CTDSPL2: variants seen among roughly 807,000 people sequenced by gnomAD.
CTDSPL2 encodes the protein CTD small phosphatase like 2, also known as CTD small phosphatase-like protein 2.
A neutral mutation model predicts 60.0 loss-of-function variants in CTDSPL2; 5 were observed. The observed-to-expected ratio is 0.08, with a 90% CI of 0.04 to 0.18. The LOEUF is 0.18. CTDSPL2 is among the 10% of genes least tolerant of loss of function. The pLI is 1.00. For missense variants in CTDSPL2, 370 were observed against 548.8 expected, an observed-to-expected ratio of 0.67 and a Z score of 3.26; for synonymous variants, 186 against 189.3, an observed-to-expected ratio of 0.98 and a Z score of 0.14.
At chr15:44,486,806 G>T in intron 4 of CTDSPL2, 106 bp downstream of exon 4, 2 of 830,628 alleles carry the variant, frequency 2.4e-6, no homozygotes, top group Non-Finnish European at 3.6e-6. Flanking sequence ...TTGTTGCCCA[G>T]GCTGGAGTGC....
chr15:44,448,798 C>T (rs2080273161), intron 1 of CTDSPL2: 1 of 351,766 alleles, frequency 2.8e-6, no homozygotes, highest in East Asian at 9.5e-5. Context: ...AAGCTGCGGA[C>T]GCTTAGGAGG....
intron 1 of CTDSPL2, among the ~76,000 whole-genome samples, chr15:44,439,540 T>G (rs1271497357): frequency 6.8e-6 from 1 of 147,420 alleles, no homozygotes; most frequent in Non-Finnish European, 1.5e-5. Context: ...TTTATGTTTT[T>G]TTTGGGGGGG....
chr15:44,446,934 T>C (rs2080229857), intron 1 of CTDSPL2, among the ~76,000 whole-genome samples: 1 of 151,776 alleles, frequency 6.6e-6, no homozygotes, highest in Non-Finnish European at 1.5e-5. Flanking sequence ...TTTGTATTTT[T>C]AGTAGAGACA....
intron 2 of CTDSPL2, among the ~76,000 whole-genome samples, chr15:44,481,868 C>T (rs925339298): frequency 2.6e-5 from 4 of 152,144 alleles, no homozygotes; most frequent in Non-Finnish European, 5.9e-5. Context: ...CCACAGCGCC[C>T]GGCCTATTTT....
At chr15:44,471,130 A>T (rs181653220) in intron 2 of CTDSPL2, among the ~76,000 whole-genome samples, 1 of 152,232 alleles carries the variant, frequency 6.6e-6, no homozygotes, top group East Asian at 1.9e-4. Flanking sequence ...TCACACACAC[A>T]ACATACATTT....
chr15:44,435,256 CA>C (rs35787192), intron 1 of CTDSPL2, among the ~76,000 whole-genome samples: 1,936 of 46,086 alleles, frequency 0.042, 25 homozygotes, highest in African/African-American at 0.1. Context: ...GACTCCGTCT[CA>C]AAAAAAAAAA....
chr15:44,490,472 T>C (rs911778667), intron 4 of CTDSPL2, among the ~76,000 whole-genome samples: 1 of 152,164 alleles, frequency 6.6e-6, no homozygotes, highest in African/African-American at 2.4e-5. Flanking sequence ...AGAAATTATT[T>C]TTATATCTTT....
intron 11 of CTDSPL2, chr15:44,520,194 G>A (rs1447744812): frequency 1.3e-5 from 2 of 150,146 alleles, no homozygotes; most frequent in Non-Finnish European, 3.0e-5. Flanking sequence ...CGTCGCCCAG[G>A]CTGGAGTGCA....
chr15:44,428,599 C>T (rs1418174170), intron 1 of CTDSPL2, among the ~76,000 whole-genome samples: 5 of 152,198 alleles, frequency 3.3e-5, no homozygotes, highest in Non-Finnish European at 5.9e-5. Context: ...GTAAACTTAC[C>T]TGAGATCCTG....
chr15:44,465,499 C>G (rs1257713758), intron 2 of CTDSPL2, among the ~76,000 whole-genome samples: 1 of 151,982 alleles, frequency 6.6e-6, no homozygotes, highest in Non-Finnish European at 1.5e-5. Flanking sequence ...TCATGTGAAA[C>G]AAAAATCACC....
intron 2 of CTDSPL2, among the ~76,000 whole-genome samples, chr15:44,480,812 G>A (rs187520900): frequency 3.3e-5 from 5 of 151,798 alleles, no homozygotes; most frequent in African/African-American, 1.2e-4. Flanking sequence ...CAGTATGGGC[G>A]ACAGAGACCC....
chr15:44,502,438 A>G (rs372489606), intron 8 of CTDSPL2, among the ~76,000 whole-genome samples: 2 of 152,172 alleles, frequency 1.3e-5, no homozygotes, highest in Non-Finnish European at 1.5e-5. Flanking sequence ...ATTGTATTAT[A>G]TATGTTTTAA....
In CTDSPL2 at chr15:44,525,133, A is replaced by T. The variant is rs1311490390; in HGVS notation, c.*959A>T. On this transcript the variant is annotated 3_prime_UTR_variant, in exon 13 of 13. Coordinates refer to ENST00000260327, the MANE Select transcript of CTDSPL2 (RefSeq NM_016396.3). ...GTTACTGCTGCCTTTGGTTTTCTCC[A>T]GGAATGAAGTATTCAGCACAGTGAC... 3.1e-6 allele frequency: 1 copy of T among 320,136 alleles called. No homozygotes were observed. Among genetic ancestry groups the T allele is most frequent in the African/African-American group, 2.1e-5 (1 of 47,014 alleles). 19.8% of individuals were successfully genotyped at this position (320,136 alleles called of 1,614,324 possible). A position where few individuals can be genotyped will look rare whatever the true frequency, so the allele number is the denominator to read the frequency against.
intron 2 of CTDSPL2, among the ~76,000 whole-genome samples, chr15:44,467,760 A>T (rs1244617392): frequency 6.6e-6 from 1 of 152,060 alleles, no homozygotes; most frequent in Non-Finnish European, 1.5e-5. Context: ...TTTTTAGTAG[A>T]GATGGGGTTT....
chr15:44,484,412 A>C, intron 3 of CTDSPL2, 50 bp downstream of exon 3: 4 of 1,516,950 alleles, frequency 2.6e-6, no homozygotes, highest in Non-Finnish European at 3.6e-6. Flanking sequence ...CAGAGATCTC[A>C]CCTGACACAT....
intron 2 of CTDSPL2, among the ~76,000 whole-genome samples, chr15:44,476,312 C>A (rs1012005580): frequency 6.6e-6 from 1 of 152,074 alleles, no homozygotes; most frequent in African/African-American, 2.4e-5. Context: ...ATGATCCGCC[C>A]GCCCTGGCCT....
intron 8 of CTDSPL2, among the ~76,000 whole-genome samples, chr15:44,504,724 G>GC (rs2081431396): frequency 6.6e-6 from 1 of 151,104 alleles, no homozygotes; most frequent in African/African-American, 2.4e-5. Context: ...AAAAAAATTA[G>GC]CCGGGCATGG....
intron 2 of CTDSPL2, among the ~76,000 whole-genome samples, chr15:44,475,638 C>CAA (rs3041871): frequency 7.5e-6 from 1 of 134,098 alleles, no homozygotes; most frequent in Admixed American, 7.5e-5. Flanking sequence ...GACTTCGTCT[C>CAA]AAAAAAAAAA....
chr15:44,506,001 A>C (rs1292237877), intron 8 of CTDSPL2, among the ~76,000 whole-genome samples: 1 of 147,856 alleles, frequency 6.8e-6, no homozygotes, highest in Non-Finnish European at 1.5e-5. Flanking sequence ...TTTTTCCCTG[A>C]TGAAAATTAT....
Sources: allele counts gnomAD v4.1 joint callset (sites outside exome capture counted in the v4.1 genomes callset), GRCh38; gene constraint gnomAD v4.1.1; transcripts MANE v1.5; gene names NCBI Gene and HGNC (gene_info 2026-07-23, HGNC 2026-07-21).